The following LRP1B variants were observed in gnomAD, a reference collection of about 807,000 sequenced individuals.
LRP1B encodes low-density lipoprotein receptor-related protein 1B.
LRP1B carries 217 observed loss-of-function variants against 556.6 expected under a neutral mutation model. That is an observed-to-expected ratio of 0.39 (90% confidence interval 0.35 to 0.44). LRP1B has a LOEUF of 0.44. Ranked by LOEUF, LRP1B falls within the 20% of genes least tolerant of loss-of-function variation. The probability of loss-of-function intolerance (pLI) is 1.00; values close to 1 mark genes in which losing one functional copy is unlikely to be tolerated. For missense variants in LRP1B, 5,053 were observed against 5,620.8 expected (o/e 0.90, Z 3.23); for synonymous variants, 2,047 against 1,865.8 (o/e 1.10, Z -2.50).
Position 140,495,481 on chromosome 2 carries a change from AG to A in LRP1B, c.9034+83del. Reference sequence around the variant, plus strand: ...TGATTTTTCAGAAGCATCAAGGAGGAGTGAATTCAATAAGAACGGCTATAAA... The same window carrying A: ...TGATTTTTCAGAAGCATCAAGGAGGATGAATTCAATAAGAACGGCTATAAA... On this transcript the variant is annotated intron_variant, in intron 56 of 90. Transcript: ENST00000389484. 2.4e-6 allele frequency: 3 copies of A among 1,244,690 alleles called. No homozygotes were observed. The South Asian group carries it at 4.8e-5, about 20-fold the overall frequency. 77.1% of individuals were successfully genotyped at this position (1,244,690 alleles called of 1,614,324 possible).
At chr2:140,322,624 G>A (rs781455479) in intron 81 of LRP1B, among the ~76,000 whole-genome samples, 26 of 147,636 alleles carry the variant, frequency 1.8e-4, no homozygotes, top group African/African-American at 5.7e-4. Flanking sequence ...CATGTCTAAA[G>A]TGGCTTCCTT....
intron 3 of LRP1B, among the ~76,000 whole-genome samples, chr2:141,319,107 A>G (rs1687134036): frequency 6.6e-6 from 1 of 152,058 alleles, no homozygotes; most frequent in Admixed American, 6.6e-5. Flanking sequence ...ATTTCAACAG[A>G]ATGTTCTTAA....
intron 32 of LRP1B, among the ~76,000 whole-genome samples, chr2:140,807,957 T>C (rs990175986): frequency 4.6e-5 from 7 of 152,238 alleles, no homozygotes; most frequent in African/African-American, 1.4e-4. Flanking sequence ...CCGGGTGTAA[T>C]GGCGCATGCC....
chr2:140,321,021 A>C (rs1283505852), intron 82 of LRP1B, among the ~76,000 whole-genome samples: 1 of 152,058 alleles, frequency 6.6e-6, no homozygotes, highest in African/African-American at 2.4e-5. Context: ...ATGCCACTGC[A>C]CTCCAGCCTG....
rs774645881 is a variant in LRP1B, at chr2:140,541,916, T to A, written c.7250A>T (p.Tyr2417Phe). The A allele has an allele frequency of 1.2e-5, 20 of 1,611,944 alleles. No homozygotes were observed. The highest frequency in any genetic ancestry group is 1.7e-5 in the Non-Finnish European group (20 of 1,178,658). ...TFLSLAVYDN[Y>F]IFWSDWGRRA... Reference sequence around the variant, plus strand: ...TCTTCCCCAGTCCGACCAGAATATATAATTGTCATAAACAGCCAAACTGAG... The same window carrying A: ...TCTTCCCCAGTCCGACCAGAATATAAAATTGTCATAAACAGCCAAACTGAG... Residue 2417 changes from tyrosine (Y) to phenylalanine (F), a missense_variant, in exon 44 of 91, where the codon TAT (tyrosine) becomes TTT (phenylalanine). By Grantham distance (22) the Tyr-to-Phe change is conservative. Coordinates refer to ENST00000389484, the MANE Select transcript of LRP1B (RefSeq NM_018557.3).
At chr2:140,764,114 G>A (rs1033863248) in intron 35 of LRP1B, among the ~76,000 whole-genome samples, 6 of 151,972 alleles carry the variant, frequency 3.9e-5, no homozygotes, top group East Asian at 1.9e-4. Flanking sequence ...TGACAAAGTC[G>A]TTACTAGAAA....
chr2:141,447,532 C>T (rs1348445157), intron 3 of LRP1B, among the ~76,000 whole-genome samples: 1 of 152,104 alleles, frequency 6.6e-6, no homozygotes, highest in East Asian at 1.9e-4. Flanking sequence ...ACTGGTGTTT[C>T]CTCATGTTCA....
At chr2:140,656,056 A>C (rs1684870513) in intron 41 of LRP1B, among the ~76,000 whole-genome samples, 1 of 152,332 alleles carries the variant, frequency 6.6e-6, no homozygotes, top group African/African-American at 2.4e-5. Context: ...GGATTCAATA[A>C]ATGCCATATT....
intron 1 of LRP1B, among the ~76,000 whole-genome samples, chr2:142,025,427 T>C (rs1362853648): frequency 6.6e-6 from 1 of 152,150 alleles, no homozygotes; most frequent in African/African-American, 2.4e-5. Flanking sequence ...TATTCCCATT[T>C]AGAAATAAGG....
chr2:140,676,142 G>A (rs1685664154), intron 41 of LRP1B, among the ~76,000 whole-genome samples: 1 of 152,086 alleles, frequency 6.6e-6, no homozygotes, highest in Non-Finnish European at 1.5e-5. Flanking sequence ...AACATTCCTG[G>A]GGAGGAGTTA....
rs1686562912 is a variant in LRP1B at position 140,444,380 on chromosome 2, C to T, written c.10244G>A (p.Arg3415Lys). 1 of 1,613,822 alleles carries T rather than the reference C, an allele frequency of 6.2e-7. No homozygotes were observed. The highest frequency in any genetic ancestry group is 1.1e-5 in the South Asian group (1 of 91,076). The change falls in exon 65 of 91, where the codon AGA becomes AAA. Residue 3415 changes from arginine (R) to lysine (K), a missense_variant. Around this residue, in one of 5 missense-constraint regions of LRP1B, gnomAD observed 262 missense variants for 395.1 expected, o/e 0.66. Transcript: ENST00000389484. Reference sequence around the variant, plus strand: ...ACCACAGTCATCTTGCCCATTACATCTTAAGTTTACTGGGATACATTTCTG... The same window carrying T: ...ACCACAGTCATCTTGCCCATTACATTTTAAGTTTACTGGGATACATTTCTG... ...KNQKCIPVNL[R>K]CNGQDDCGDE...
At chr2:140,479,220 T>C (rs1184984297) in intron 59 of LRP1B, among the ~76,000 whole-genome samples, 1 of 151,594 alleles carries the variant, frequency 6.6e-6, no homozygotes, top group East Asian at 1.9e-4. Context: ...TTGCTATACT[T>C]TTTTTTTCTT....
chr2:140,402,300 A>G (rs1393136616), intron 66 of LRP1B, among the ~76,000 whole-genome samples: 2 of 152,144 alleles, frequency 1.3e-5, no homozygotes, highest in African/African-American at 4.8e-5. Context: ...CATCAGGGAA[A>G]ATCTGCAGCT....
chr2:141,096,631 A>AGAGG (rs1553459373), intron 7 of LRP1B, among the ~76,000 whole-genome samples: 253 of 25,260 alleles, frequency 0.01, 6 homozygotes, highest in African/African-American at 0.033. Context: ...GGAGAGGGGG[A>AGAGG]GAGAGAGAGA....
At chr2:141,191,339 A>C (rs1196522877) in intron 6 of LRP1B, among the ~76,000 whole-genome samples, 4 of 151,924 alleles carry the variant, frequency 2.6e-5, no homozygotes, top group African/African-American at 9.7e-5. Flanking sequence ...TTCCTCCCCT[A>C]AAAGAGTTTC....
At chr2:141,119,217 G>GT (rs535359173) in intron 7 of LRP1B, among the ~76,000 whole-genome samples, 158 of 151,874 alleles carry the variant, frequency 1.0e-3, no homozygotes, top group Non-Finnish European at 1.9e-3. Flanking sequence ...TCATCCGTAA[G>GT]TTTTTTTCAC....
rs568372085 is a variant in LRP1B, at chr2:140,935,764, A to G, written c.3137-12617T>C. On this transcript the variant is annotated intron_variant, in intron 20 of 90. Coordinates refer to ENST00000389484, the MANE Select transcript of LRP1B (RefSeq NM_018557.3). ...GAAAATCTTGAAAGCGGCAAGTGAG[A>G]AGATACTCATCACATATGAGAGATC... Among the ~76,000 whole-genome samples the G allele has an allele frequency of 3.3e-5, 5 of 152,198 alleles. No homozygotes were observed. In the South Asian group the frequency reaches 8.3e-4, roughly 25 times the overall value.
At chr2:141,375,238 G>A (rs1441236680) in intron 3 of LRP1B, among the ~76,000 whole-genome samples, 1 of 152,126 alleles carries the variant, frequency 6.6e-6, no homozygotes, top group Admixed American at 6.5e-5. Flanking sequence ...GATGCCAAAT[G>A]AAGTAGTCTT....
intron 5 of LRP1B, among the ~76,000 whole-genome samples, chr2:141,246,943 A>C (rs300358): frequency 0.28 from 42,321 of 151,868 alleles, 6,028 homozygotes; most frequent in African/African-American, 0.33. Flanking sequence ...CCAGCTCCAG[A>C]CTGGGTGACA....
Sources: gnomAD v4.1 joint callset for allele counts (sites outside exome capture counted in the v4.1 genomes callset) on GRCh38, gnomAD v4.1.1 for gene constraint, gnomAD v4.1.1 regional missense constraint, MANE v1.5 for transcripts, NCBI Gene and HGNC (gene_info 2026-07-23, HGNC 2026-07-21) for gene names.